The following TFDP2 variants were observed in gnomAD, a reference collection of about 807,000 sequenced individuals.
The protein encoded by TFDP2 is transcription factor Dp-2 (E2F dimerization partner 2).
TFDP2 carries 17 observed loss-of-function variants against 59.3 expected under a neutral mutation model. The observed-to-expected ratio is 0.29, with a 90% CI of 0.20 to 0.43. TFDP2 has a LOEUF of 0.43. Among genes scored for constraint, TFDP2 ranks in the 20% least tolerant of loss-of-function variants. The pLI is 1.00. For missense variants in TFDP2, 391 were observed against 528.8 expected, an observed-to-expected ratio of 0.74 and a Z score of 2.56; for synonymous variants, 180 against 194.7, an observed-to-expected ratio of 0.92 and a Z score of 0.63.
intron 1 of TFDP2, among the ~76,000 whole-genome samples, chr3:142,102,356 C>T (rs2061339724): frequency 6.6e-6 from 1 of 151,992 alleles, no homozygotes; most frequent in Non-Finnish European, 1.5e-5. Context: ...GGACAATTTT[C>T]AACAACTGAA....
intron 1 of TFDP2, among the ~76,000 whole-genome samples, chr3:142,128,177 G>A (rs1306920474): frequency 6.6e-6 from 1 of 152,018 alleles, no homozygotes; most frequent in Non-Finnish European, 1.5e-5. Context: ...ACTCCAGCCT[G>A]GGCAAGAGCA....
intron 3 of TFDP2, among the ~76,000 whole-genome samples, chr3:142,048,362 G>A (rs1322732081): frequency 7.3e-5 from 11 of 149,988 alleles, no homozygotes; most frequent in Admixed American, 6.0e-4. Context: ...GCAGTGAGCC[G>A]AATTTATACC....
intron 2 of TFDP2, among the ~76,000 whole-genome samples, chr3:142,100,731 T>C (rs189697633): frequency 2.1e-3 from 311 of 151,318 alleles, no homozygotes; most frequent in African/African-American, 7.3e-3. Flanking sequence ...AACATATAGA[T>C]GGAAATGCTG....
At chr3:142,117,382 A>C (rs1387962228) in intron 1 of TFDP2, among the ~76,000 whole-genome samples, 2 of 152,040 alleles carry the variant, frequency 1.3e-5, no homozygotes, top group Non-Finnish European at 2.9e-5. Flanking sequence ...TAGGAGACAG[A>C]AAACACAGCA....
intron 3 of TFDP2, among the ~76,000 whole-genome samples, chr3:142,022,292 T>C (rs1945676370): frequency 6.6e-6 from 1 of 152,232 alleles, no homozygotes; most frequent in Admixed American, 6.5e-5. Flanking sequence ...GTGCCTCAGA[T>C]GATTCTTATG....
chr3:142,116,817 T>C (rs1275888341), intron 1 of TFDP2, among the ~76,000 whole-genome samples: 1 of 152,234 alleles, frequency 6.6e-6, no homozygotes. Context: ...TTCTTTTTAC[T>C]AATTTTATAT....
At chr3:142,127,197 TTAA>T (rs1429569345) in intron 1 of TFDP2, among the ~76,000 whole-genome samples, 1 of 148,300 alleles carries the variant, frequency 6.7e-6, no homozygotes, top group Non-Finnish European at 1.5e-5. Flanking sequence ...AAGATATATA[TTAA>T]TATTATATAT....
intron 4 of TFDP2, among the ~76,000 whole-genome samples, chr3:141,998,605 C>T (rs569557964): frequency 1.3e-5 from 2 of 152,012 alleles, no homozygotes; most frequent in East Asian, 1.9e-4. Flanking sequence ...GGTGACAGAG[C>T]GAGACTCTGT....
At chr3:141,965,850 A>G (rs2107926296) in intron 9 of TFDP2, among the ~76,000 whole-genome samples, 1 of 152,100 alleles carries the variant, frequency 6.6e-6, no homozygotes, top group Admixed American at 6.5e-5. Flanking sequence ...AAACGAATTC[A>G]TTGCTTAATT....
At chr3:142,021,038 A>G (rs1203326928) in intron 3 of TFDP2, among the ~76,000 whole-genome samples, 1 of 152,108 alleles carries the variant, frequency 6.6e-6, no homozygotes, top group East Asian at 1.9e-4. Flanking sequence ...ACCTACCTGC[A>G]CATGCACATT....
Position 142,110,429 on chromosome 3 carries a change from G to A in TFDP2, c.-92-8588C>T, listed in dbSNP as rs540169040. ...TGAGGCGGGAGAATCACTTGAACCTGGAAGGTGGTGGTTGCAGTGAGCCGA... is the reference window on the plus strand; with the variant it reads ...TGAGGCGGGAGAATCACTTGAACCTAGAAGGTGGTGGTTGCAGTGAGCCGA... On this transcript the variant is annotated intron_variant, in intron 1 of 12. Transcript: ENST00000489671. 2.6e-4 allele frequency among the ~76,000 whole-genome samples: 40 copies of A among 152,024 alleles called. No individual in the cohort carries two copies. In the East Asian group the frequency reaches 7.8e-3, roughly 30 times the overall value.
intron 3 of TFDP2, among the ~76,000 whole-genome samples, chr3:142,044,354 G>C (rs1056869865): frequency 2.1e-5 from 3 of 140,106 alleles, no homozygotes; most frequent in Non-Finnish European, 3.0e-5. Context: ...TCCTGCCTCA[G>C]CCTCCCAAGT....
At position 141,973,026 on chromosome 3, in the gene TFDP2, T is replaced by C. The variant is rs546788864; in HGVS notation, c.663+1022A>G. ...CATAAGTATAATAATACCAAATAAC[T>C]GAATTGCTGGGGAGAAAAGACTGAG... On this transcript the variant is annotated intron_variant, in intron 8 of 12. Transcript: ENST00000489671. Among the ~76,000 whole-genome samples, 17 of 149,196 alleles carry C rather than the reference T, an allele frequency of 1.1e-4. No individual in the cohort carries two copies. In the Admixed American group the frequency reaches 1.2e-3, roughly 10 times the overall value.
chr3:142,054,334 C>A (rs2108497792), intron 3 of TFDP2, among the ~76,000 whole-genome samples: 1 of 152,226 alleles, frequency 6.6e-6, no homozygotes, highest in Non-Finnish European at 1.5e-5. Context: ...CTGATTCACA[C>A]AACATGAATG....
chr3:142,120,089 G>A (rs1474798936), intron 1 of TFDP2, among the ~76,000 whole-genome samples: 1 of 151,028 alleles, frequency 6.6e-6, no homozygotes, highest in African/African-American at 2.4e-5. Context: ...AAGGCTGGGC[G>A]TGGTGGCTCA....
At chr3:142,069,250 A>G (rs1452856853) in intron 3 of TFDP2, among the ~76,000 whole-genome samples, 3 of 152,128 alleles carry the variant, frequency 2.0e-5, no homozygotes, top group African/African-American at 7.2e-5. Flanking sequence ...AGATCATTCT[A>G]TATTTGTACA....
At chr3:141,997,846 T>C (rs1161967127) in intron 4 of TFDP2, among the ~76,000 whole-genome samples, 2 of 40,538 alleles carry the variant, frequency 4.9e-5, no homozygotes, top group Admixed American at 4.8e-4. Flanking sequence ...TGAGACTCCA[T>C]CTCAAAAAAA....
At chr3:141,968,334 T>TAAC in intron 9 of TFDP2, among the ~76,000 whole-genome samples, 1 of 126,196 alleles carries the variant, frequency 7.9e-6, no homozygotes, top group Admixed American at 9.1e-5. Context: ...ATATAATATA[T>TAAC]ATAATATATA....
At chr3:141,969,684 T>C (rs1483674292) in intron 9 of TFDP2, among the ~76,000 whole-genome samples, 1 of 152,132 alleles carries the variant, frequency 6.6e-6, no homozygotes, top group African/African-American at 2.4e-5. Context: ...AATTAAGTAT[T>C]ACAGGCAGAT....
Sources: gnomAD v4.1 joint callset for allele counts (sites outside exome capture counted in the v4.1 genomes callset) on GRCh38, gnomAD v4.1.1 for gene constraint, MANE v1.5 for transcripts, NCBI Gene and HGNC (gene_info 2026-07-23, HGNC 2026-07-21) for gene names.